TRIO: variants seen among roughly 807,000 people sequenced by gnomAD.
The protein encoded by TRIO is triple functional domain protein.
A neutral mutation model predicts 351.9 loss-of-function variants in TRIO; 58 were observed. The ratio of observed to expected loss-of-function variants is 0.16; its 90% CI spans 0.13 to 0.21. The LOEUF is 0.21. Ranked by LOEUF, TRIO falls within the 10% of genes least tolerant of loss-of-function variation. The pLI is 1.00. For synonymous variants in TRIO, 1,758 were observed against 1,595.7 expected (o/e 1.10, Z -2.42); for missense variants, 3,201 against 4,027.8 (o/e 0.79, Z 5.56).
chr5:14,165,783 C>T (rs1216851229), intron 1 of TRIO, among the ~76,000 whole-genome samples: 2 of 152,254 alleles, frequency 1.3e-5, no homozygotes, highest in Non-Finnish European at 2.9e-5. Context: ...AGGTGCCCTC[C>T]TGCACAGTGA....
intron 34 of TRIO, among the ~76,000 whole-genome samples, chr5:14,453,624 A>G (rs1753010135): frequency 6.6e-6 from 1 of 152,220 alleles, no homozygotes; most frequent in Admixed American, 6.5e-5. Flanking sequence ...GTGGAAACTC[A>G]CATGCCAGAA....
chr5:14,201,415 C>T (rs1273739570), intron 1 of TRIO, among the ~76,000 whole-genome samples: 2 of 152,082 alleles, frequency 1.3e-5, no homozygotes, highest in African/African-American at 2.4e-5. Context: ...AATTAAAACA[C>T]ACTTTTAAGT....
At chr5:14,194,498 T>C (rs1790645603) in intron 1 of TRIO, among the ~76,000 whole-genome samples, 1 of 152,244 alleles carries the variant, frequency 6.6e-6, no homozygotes, top group South Asian at 2.1e-4. Context: ...TTAAGTTAAA[T>C]GTTAGGTTGC....
chr5:14,506,923 C>A (rs919518310), intron 55 of TRIO, among the ~76,000 whole-genome samples, 199 bp from the exon 56 acceptor site: 50 of 152,288 alleles, frequency 3.3e-4, no homozygotes, highest in African/African-American at 1.2e-3. Context: ...ATGGAGACAC[C>A]CTGTACCCCA....
rs752144141 is a variant in TRIO, at chr5:14,389,271, T to G, written c.3949-18T>G. ...ATGGTGATTATTTTTGTCTAATCCC[T>G]GTTTCCCTCTCGGCTAGACGTACCT... is the stretch of plus-strand genomic sequence containing the variant. On this transcript the variant is annotated intron_variant, in intron 24 of 56. Coordinates refer to ENST00000344204, the MANE Select transcript of TRIO (RefSeq NM_007118.4). 4 of 1,576,550 alleles carry G rather than the reference T, an allele frequency of 2.5e-6. No homozygotes were observed. The highest frequency in any genetic ancestry group is 8.6e-7 in the Non-Finnish European group (1 of 1,161,344).
At chr5:14,209,614 G>A (rs148909056) in intron 1 of TRIO, among the ~76,000 whole-genome samples, 263 of 152,254 alleles carry the variant, frequency 1.7e-3, no homozygotes, top group African/African-American at 6.1e-3. Flanking sequence ...TGGCCTTGGG[G>A]GTGCTGCCAC....
intron 34 of TRIO, among the ~76,000 whole-genome samples, chr5:14,425,790 A>C (rs972118983): frequency 1.3e-5 from 2 of 152,220 alleles, no homozygotes; most frequent in Non-Finnish European, 2.9e-5. Flanking sequence ...AGGGCACAGA[A>C]GGCACCGTCT....
At chr5:14,496,838 T>G (rs745345034) in intron 49 of TRIO, 41 bp from the exon 50 acceptor site, 2 of 1,603,240 alleles carry the variant, frequency 1.2e-6, no homozygotes, top group Non-Finnish European at 1.7e-6. Context: ...TTGGTGAATG[T>G]TGGAAAGGCA....
rs1022768112 is a variant in TRIO, at chr5:14,368,999, A to G, written c.3066+100A>G. 7.8e-6 allele frequency: 11 copies of G among 1,405,962 alleles called. No individual in the cohort carries two copies. In the African/African-American group the frequency reaches 1.4e-4, roughly 18 times the overall value. The allele number at this position is 1,405,962 out of a possible 1,614,324, so 87.1% of individuals were successfully genotyped here. A position where few individuals can be genotyped will look rare whatever the true frequency, so the allele number is the denominator to read the frequency against. On this transcript the variant is annotated intron_variant, in intron 17 of 56. Coordinates refer to ENST00000344204, the MANE Select transcript of TRIO (RefSeq NM_007118.4). ...ATTGTTAACATGTTCATCGTTATTG[A>G]AACAATCAGTTGCCAGTCAAGCAGG... is the stretch of plus-strand genomic sequence containing the variant.
At chr5:14,239,229 A>T (rs1232922715) in intron 1 of TRIO, among the ~76,000 whole-genome samples, 1 of 152,124 alleles carries the variant, frequency 6.6e-6, no homozygotes, top group African/African-American at 2.4e-5. Context: ...GGAAGTCTAA[A>T]AATTATTTCT....
chr5:14,273,412 CT>C (rs2152271372), intron 2 of TRIO, among the ~76,000 whole-genome samples: 1 of 152,316 alleles, frequency 6.6e-6, no homozygotes, highest in South Asian at 2.1e-4. Context: ...GAATGTACTA[CT>C]TCCTTCATTT....
At chr5:14,259,894 C>G (rs1795243998) in intron 1 of TRIO, among the ~76,000 whole-genome samples, 1 of 151,976 alleles carries the variant, frequency 6.6e-6, no homozygotes, top group African/African-American at 2.4e-5. Flanking sequence ...ATCTAAAGAG[C>G]AGGACTTGGC....
intron 1 of TRIO, among the ~76,000 whole-genome samples, chr5:14,241,270 T>G (rs1468935536): frequency 6.6e-6 from 1 of 152,206 alleles, no homozygotes; most frequent in Non-Finnish European, 1.5e-5. Context: ...GTTATTGTGT[T>G]CTATGAGTAT....
intron 1 of TRIO, among the ~76,000 whole-genome samples, chr5:14,255,989 A>G (rs2152253573): frequency 6.6e-6 from 1 of 152,372 alleles, no homozygotes; most frequent in Middle Eastern, 3.4e-3. Flanking sequence ...GTAAAGAAAA[A>G]TAAGGACTGA....
At chr5:14,480,572 C>T (rs190823030) in intron 43 of TRIO, among the ~76,000 whole-genome samples, 47 of 152,212 alleles carry the variant, frequency 3.1e-4, no homozygotes, top group African/African-American at 1.1e-3. Context: ...TAAGCATAAC[C>T]GAAGGCAGAG....
chr5:14,235,417 T>C (rs554393701), intron 1 of TRIO, among the ~76,000 whole-genome samples: 15 of 152,358 alleles, frequency 9.8e-5, no homozygotes, highest in African/African-American at 2.9e-4. Context: ...CTGTATTTTC[T>C]CTAGTAAGTC....
At position 14,405,449 on chromosome 5, in the gene TRIO, A is replaced by T. The variant is rs533969744; in HGVS notation, c.4717-399A>T. On this transcript the variant is annotated intron_variant, in intron 31 of 56. Coordinates refer to ENST00000344204, the MANE Select transcript of TRIO (RefSeq NM_007118.4). ...CAAAGGAGGCCGCAAGGCTGTGGGG[A>T]TTTGTTCAGTTTCCTGCTGGCAGTA... 9.9e-5 allele frequency among the ~76,000 whole-genome samples: 15 copies of T among 152,142 alleles called. No homozygotes were observed. In the South Asian group the frequency reaches 3.1e-3, roughly 32 times the overall value.
At chr5:14,493,574 A>G (rs892616979) in intron 49 of TRIO, among the ~76,000 whole-genome samples, 1 of 152,144 alleles carries the variant, frequency 6.6e-6, no homozygotes, top group East Asian at 1.9e-4. Flanking sequence ...CCAACTGTCC[A>G]TTCCCCCATG....
At chr5:14,158,148 C>T (rs540812923) in intron 1 of TRIO, among the ~76,000 whole-genome samples, 8 of 152,124 alleles carry the variant, frequency 5.3e-5, no homozygotes, top group Middle Eastern at 3.4e-3. Flanking sequence ...GGGAATAGGC[C>T]GGGCGCTGTG....
Sources: gnomAD v4.1 joint callset for allele counts (sites outside exome capture counted in the v4.1 genomes callset) on GRCh38, gnomAD v4.1.1 for gene constraint, MANE v1.5 for transcripts, NCBI Gene and HGNC (gene_info 2026-07-23, HGNC 2026-07-21) for gene names.